DLG2: variants seen among roughly 807,000 people sequenced by gnomAD.
DLG2 encodes the protein discs large MAGUK scaffold protein 2, also known as disks large homolog 2.
In DLG2, 45 loss-of-function variants were observed where a neutral mutation model predicts 132.5. The ratio of observed to expected loss-of-function variants is 0.34; its 90% CI spans 0.27 to 0.44. The LOEUF (loss-of-function observed/expected upper bound fraction) is 0.44, where lower values mean the gene tolerates loss of function less well. DLG2 is among the 20% of genes least tolerant of loss of function. DLG2 has a pLI of 1.00. For missense variants in DLG2, 1,045 were observed against 1,196.9 expected (o/e 0.87, Z 1.87); for synonymous variants, 424 against 419.6 (o/e 1.01, Z -0.13).
At chr11:83,916,909 A>G (rs1309300082) in intron 15 of DLG2, among the ~76,000 whole-genome samples, 1 of 152,096 alleles carries the variant, frequency 6.6e-6, no homozygotes. Context: ...GTCACAGACT[A>G]CTGGTGTGAC....
At chr11:85,073,641 G>T (rs1056632128) in intron 6 of DLG2, among the ~76,000 whole-genome samples, 1 of 151,334 alleles carries the variant, frequency 6.6e-6, no homozygotes, top group Non-Finnish European at 1.5e-5. Flanking sequence ...CACATCAGTG[G>T]GATTAAAACT....
intron 3 of DLG2, among the ~76,000 whole-genome samples, chr11:85,594,217 A>C (rs1238278390): frequency 6.6e-6 from 1 of 152,224 alleles, no homozygotes. Flanking sequence ...GCTTCAACAA[A>C]GAGATGATAA....
At chr11:83,476,596 G>C (rs2092636234) in intron 22 of DLG2, among the ~76,000 whole-genome samples, 1 of 152,072 alleles carries the variant, frequency 6.6e-6, no homozygotes, top group South Asian at 2.1e-4. Context: ...ATCAGACTTG[G>C]TGCATAATGT....
At chr11:84,021,084 T>C (rs910654471) in intron 11 of DLG2, among the ~76,000 whole-genome samples, 2 of 152,178 alleles carry the variant, frequency 1.3e-5, no homozygotes, top group African/African-American at 2.4e-5. Context: ...TATTTAACTC[T>C]AGAACACATA....
intron 6 of DLG2, among the ~76,000 whole-genome samples, chr11:84,988,993 T>C (rs1365000206): frequency 6.6e-6 from 1 of 152,004 alleles, no homozygotes; most frequent in Admixed American, 6.6e-5. Flanking sequence ...AACTAATGAG[T>C]TCGGCAAGGT....
intron 6 of DLG2, among the ~76,000 whole-genome samples, chr11:84,897,413 A>G (rs1389842609): frequency 6.6e-6 from 1 of 151,908 alleles, no homozygotes; most frequent in African/African-American, 2.4e-5. Context: ...TTAATTCAAC[A>G]GTTATTAAAT....
intron 2 of DLG2, among the ~76,000 whole-genome samples, chr11:85,610,611 G>A (rs1418564893): frequency 6.6e-6 from 1 of 152,150 alleles, no homozygotes; most frequent in African/African-American, 2.4e-5. Context: ...AGGCACTCTG[G>A]CCCTTCAGTA....
At chr11:84,193,461 G>A (rs1188878072) in intron 8 of DLG2, among the ~76,000 whole-genome samples, 4 of 152,206 alleles carry the variant, frequency 2.6e-5, no homozygotes. Flanking sequence ...TGTGAAAACA[G>A]TGCTTAGAAG....
At chr11:84,998,793 G>T (rs2057933656) in intron 6 of DLG2, among the ~76,000 whole-genome samples, 2 of 151,870 alleles carry the variant, frequency 1.3e-5, no homozygotes, top group Admixed American at 6.6e-5. Flanking sequence ...TGCCCACCAT[G>T]TATGGAACTT....
chr11:84,359,028 G>A (rs551603125), intron 7 of DLG2, among the ~76,000 whole-genome samples: 13 of 151,876 alleles, frequency 8.6e-5, no homozygotes, highest in Non-Finnish European at 1.8e-4. Context: ...GAGCATATGA[G>A]TATATATAAC....
At chr11:84,232,324 C>T (rs1320784151) in intron 8 of DLG2, among the ~76,000 whole-genome samples, 1 of 152,056 alleles carries the variant, frequency 6.6e-6, no homozygotes, top group East Asian at 1.9e-4. Flanking sequence ...ATAATTTCCA[C>T]AAGAGTGGAA....
At chr11:83,980,048 C>T (rs1203234209) in intron 12 of DLG2, among the ~76,000 whole-genome samples, 1 of 151,956 alleles carries the variant, frequency 6.6e-6, no homozygotes, top group Non-Finnish European at 1.5e-5. Context: ...AATTTTTGTC[C>T]AAGTTCTAAA....
intron 17 of DLG2, chr11:83,814,860 C>T (rs2048395555): frequency 4.2e-6 from 1 of 240,166 alleles, no homozygotes; most frequent in African/African-American, 2.3e-5. Context: ...CACAGGAACA[C>T]TTGAGTCCCC....
chr11:85,286,621 G>A (rs983969780), intron 3 of DLG2, among the ~76,000 whole-genome samples: 3 of 152,076 alleles, frequency 2.0e-5, no homozygotes, highest in African/African-American at 7.2e-5. Flanking sequence ...CTACAGGATA[G>A]AGAGATAGAT....
intron 6 of DLG2, among the ~76,000 whole-genome samples, chr11:84,798,339 T>A (rs1407455853): frequency 6.6e-6 from 1 of 152,044 alleles, no homozygotes; most frequent in Non-Finnish European, 1.5e-5. Flanking sequence ...ACCATCAAAA[T>A]TTTCCTGGTA....
At chr11:84,881,079 T>C (rs546096107) in intron 6 of DLG2, among the ~76,000 whole-genome samples, 7 of 152,208 alleles carry the variant, frequency 4.6e-5, no homozygotes, top group African/African-American at 1.7e-4. Context: ...AACTGAAATA[T>C]AGAATTTGTC....
intron 15 of DLG2, among the ~76,000 whole-genome samples, chr11:83,875,456 G>T (rs1473283179): frequency 2.6e-5 from 4 of 152,070 alleles, no homozygotes; most frequent in African/African-American, 9.7e-5. Context: ...TGCCTGAAAT[G>T]GCATTGAGAC....
intron 18 of DLG2, among the ~76,000 whole-genome samples, chr11:83,712,645 G>T (rs1330288066): frequency 6.6e-6 from 1 of 152,108 alleles, no homozygotes; most frequent in Non-Finnish European, 1.5e-5. Context: ...AAAGGATCAA[G>T]ATTCTGTCCT....
At chr11:83,833,873 T>A in intron 16 of DLG2, 103 bp from the exon 17 acceptor site, 1 of 1,211,460 alleles carries the variant, frequency 8.3e-7, no homozygotes, top group Non-Finnish European at 1.1e-6. Context: ...TCACTACTTG[T>A]AAAATTGTTT....
Sources: gnomAD v4.1 joint callset for allele counts (sites outside exome capture counted in the v4.1 genomes callset) on GRCh38, gnomAD v4.1.1 for gene constraint, MANE v1.5 for transcripts, NCBI Gene and HGNC (gene_info 2026-07-23, HGNC 2026-07-21) for gene names.